The following FCHSD2 variants were observed in gnomAD, a reference collection of about 807,000 sequenced individuals.
The protein encoded by FCHSD2 is FCH and double SH3 domains 2, also known as F-BAR and double SH3 domains protein 2.
In FCHSD2, 38 loss-of-function variants were observed where a neutral mutation model predicts 108.1. The observed-to-expected ratio is 0.35, with a 90% confidence interval of 0.27 to 0.46. The LOEUF is 0.46. Ranked by LOEUF, FCHSD2 falls within the 20% of genes least tolerant of loss-of-function variation. The probability of loss-of-function intolerance (pLI) is 1.00; values close to 1 mark genes in which losing one functional copy is unlikely to be tolerated. For synonymous variants in FCHSD2, 279 were observed against 314.7 expected (o/e 0.89, Z 1.20); for missense variants, 751 against 897.8 (o/e 0.84, Z 2.09).
intron 3 of FCHSD2, among the ~76,000 whole-genome samples, chr11:73,056,202 A>G (rs1161038941): frequency 6.6e-6 from 1 of 152,182 alleles, no homozygotes; most frequent in East Asian, 1.9e-4. Context: ...TGTTAGTTTT[A>G]TCAGGACATG....
chr11:72,958,885 T>A (rs879925848), intron 8 of FCHSD2, among the ~76,000 whole-genome samples: 1 of 152,200 alleles, frequency 6.6e-6, no homozygotes, highest in Admixed American at 6.5e-5. Context: ...CCAAAACAAC[T>A]TACCCATTTC....
intron 8 of FCHSD2, among the ~76,000 whole-genome samples, chr11:72,967,390 T>C (rs540406396): frequency 2.6e-4 from 39 of 151,872 alleles, no homozygotes; most frequent in Non-Finnish European, 5.2e-4. Flanking sequence ...GTAAACAAAA[T>C]ATGGTATATC....
intron 3 of FCHSD2, among the ~76,000 whole-genome samples, chr11:73,049,001 T>C (rs1351256589): frequency 6.6e-6 from 1 of 152,160 alleles, no homozygotes; most frequent in East Asian, 1.9e-4. Flanking sequence ...ATCAAGATGC[T>C]AAAACTTCTC....
intron 8 of FCHSD2, among the ~76,000 whole-genome samples, chr11:72,970,085 G>C (rs1856981234): frequency 6.6e-6 from 1 of 152,216 alleles, no homozygotes; most frequent in Non-Finnish European, 1.5e-5. Context: ...CCAACTTGCT[G>C]TTTCAAAGTG....
intron 4 of FCHSD2, among the ~76,000 whole-genome samples, chr11:73,001,988 A>G (rs945585097): frequency 6.6e-6 from 1 of 152,230 alleles, no homozygotes; most frequent in Non-Finnish European, 1.5e-5. Flanking sequence ...TCGATAATTT[A>G]TAACAATGGC....
Position 73,080,960 on chromosome 11 carries a change from AAAAATAAAATAAAAT to A in FCHSD2, c.165+2720_165+2734del, listed in dbSNP as rs376421601. The stretch of plus-strand genomic sequence containing the variant: ...CAAGACTCTGTCTCAAAAAAACAAC[AAAAATAAAATAAAAT>A]AAAATAAAATAAAGAAATAGAAATA... On this transcript the variant is annotated intron_variant, in intron 3 of 19. Transcript: ENST00000409418. Among the ~76,000 whole-genome samples the A allele has an allele frequency of 9.0e-3, 1,369 of 151,978 alleles. 16 individuals are homozygous for A. The highest frequency in any genetic ancestry group is 0.031 in the African/African-American group (1,295 of 41,384).
intron 4 of FCHSD2, among the ~76,000 whole-genome samples, chr11:73,013,327 G>A (rs1857901409): frequency 6.6e-6 from 1 of 152,128 alleles, no homozygotes; most frequent in Admixed American, 6.5e-5. Flanking sequence ...GAAAACTCCT[G>A]CACATTCTTT....
At chr11:73,101,719 G>T (rs1860230683) in intron 2 of FCHSD2, among the ~76,000 whole-genome samples, 1 of 151,862 alleles carries the variant, frequency 6.6e-6, no homozygotes, top group Admixed American at 6.6e-5. Flanking sequence ...TTATAGGTGT[G>T]AGCCACTGCA....
At chr11:72,982,141 G>A (rs992311419) in intron 8 of FCHSD2, among the ~76,000 whole-genome samples, 1 of 152,150 alleles carries the variant, frequency 6.6e-6, no homozygotes, top group Non-Finnish European at 1.5e-5. Flanking sequence ...AGGAAAAGGG[G>A]ATTTCAGGCA....
At chr11:73,071,255 G>T (rs1045962303) in intron 3 of FCHSD2, among the ~76,000 whole-genome samples, 2 of 151,994 alleles carry the variant, frequency 1.3e-5, no homozygotes, top group Non-Finnish European at 2.9e-5. Context: ...TTCAATTCAC[G>T]TGCATACACA....
At chr11:73,029,155 G>A (rs1858299980) in intron 3 of FCHSD2, among the ~76,000 whole-genome samples, 2 of 152,150 alleles carry the variant, frequency 1.3e-5, no homozygotes, top group Admixed American at 6.5e-5. Flanking sequence ...TAAATAAGGA[G>A]ATAAAAATCA....
intron 10 of FCHSD2, among the ~76,000 whole-genome samples, chr11:72,894,699 C>G (rs1855384133): frequency 6.6e-6 from 1 of 152,092 alleles, no homozygotes; most frequent in Non-Finnish European, 1.5e-5. Context: ...TCCCACAATT[C>G]TGAAATTCAA....
intron 17 of FCHSD2, 86 bp from the exon 18 acceptor site, chr11:72,841,669 CT>C (rs2135152094): frequency 5.2e-6 from 7 of 1,345,930 alleles, no homozygotes; most frequent in Non-Finnish European, 5.0e-6. Context: ...GTACTCATGC[CT>C]TTTCTCTAAA....
At chr11:72,871,169 C>T (rs1301800248) in intron 12 of FCHSD2, among the ~76,000 whole-genome samples, 4 of 152,194 alleles carry the variant, frequency 2.6e-5, no homozygotes, top group Non-Finnish European at 5.9e-5. Flanking sequence ...GTAACTGCTG[C>T]TTTGCTCCAA....
intron 3 of FCHSD2, among the ~76,000 whole-genome samples, chr11:73,082,132 TTGAGACCATCC>T (rs1859703285): frequency 6.6e-6 from 1 of 151,800 alleles, no homozygotes. Context: ...GGTCAAGAGA[TTGAGACCATCC>T]TGGCCAACAG....
chr11:73,070,424 A>T (rs1859406084), intron 3 of FCHSD2, among the ~76,000 whole-genome samples: 1 of 151,836 alleles, frequency 6.6e-6, no homozygotes, highest in Admixed American at 6.6e-5. Flanking sequence ...AGGGTTTTTT[A>T]TTTTTATTTT....
chr11:73,126,329 G>C (rs1591575447), intron 2 of FCHSD2, among the ~76,000 whole-genome samples: 2 of 62,012 alleles, frequency 3.2e-5, no homozygotes, highest in Non-Finnish European at 6.1e-5. Flanking sequence ...AACAGGGCAA[G>C]ATTCCATCTT....
intron 3 of FCHSD2, among the ~76,000 whole-genome samples, chr11:73,048,275 C>T (rs1378615334): frequency 6.6e-6 from 1 of 152,034 alleles, no homozygotes; most frequent in Admixed American, 6.6e-5. Context: ...TGCCATGTAC[C>T]GACACACATA....
At chr11:73,085,829 T>C (rs1859802418) in intron 2 of FCHSD2, among the ~76,000 whole-genome samples, 1 of 152,072 alleles carries the variant, frequency 6.6e-6, no homozygotes, top group East Asian at 1.9e-4. Context: ...AGTTACCACA[T>C]TATTACATTC....
Sources: gnomAD v4.1 joint callset for allele counts (sites outside exome capture counted in the v4.1 genomes callset) on GRCh38, gnomAD v4.1.1 for gene constraint, MANE v1.5 for transcripts, NCBI Gene and HGNC (gene_info 2026-07-23, HGNC 2026-07-21) for gene names.